TFCP2L1: variants seen among roughly 807,000 people sequenced by gnomAD.
TFCP2L1 encodes transcription factor CP2-like protein 1.
A neutral mutation model predicts 72.2 loss-of-function variants in TFCP2L1; 12 were observed. The ratio of observed to expected loss-of-function variants is 0.17; its 90% confidence interval spans 0.11 to 0.27. The LOEUF is 0.27. Ranked by LOEUF, TFCP2L1 falls within the 10% of genes least tolerant of loss-of-function variation. The pLI is 1.00. For missense variants in TFCP2L1, 488 were observed against 624.6 expected (o/e 0.78, Z 2.33); for synonymous variants, 260 against 251.0 (o/e 1.04, Z -0.34).
chr2:121,272,856 A>G (rs1162351800), intron 2 of TFCP2L1, among the ~76,000 whole-genome samples: 5 of 152,194 alleles, frequency 3.3e-5, no homozygotes, highest in African/African-American at 1.2e-4. Flanking sequence ...AGAAAGGTTC[A>G]GTGACTTGCC....
At chr2:121,267,363 A>C (rs1489477080) in intron 2 of TFCP2L1, among the ~76,000 whole-genome samples, 1 of 152,244 alleles carries the variant, frequency 6.6e-6, no homozygotes, top group Non-Finnish European at 1.5e-5. Flanking sequence ...GTGATTATTA[A>C]GAACATATTA....
intron 8 of TFCP2L1, among the ~76,000 whole-genome samples, chr2:121,239,303 T>C (rs1040954576): frequency 9.9e-5 from 15 of 152,210 alleles, no homozygotes; most frequent in Admixed American, 1.3e-4. Context: ...CTTGGGTGGC[T>C]GACCGCATGC....
chr2:121,255,094 C>A (rs1447948312), intron 2 of TFCP2L1, among the ~76,000 whole-genome samples: 1 of 152,210 alleles, frequency 6.6e-6, no homozygotes, highest in Admixed American at 6.5e-5. Flanking sequence ...GTTTCCAGAA[C>A]CCACCACACT....
chr2:121,243,588 C>T (rs937501253), intron 6 of TFCP2L1, among the ~76,000 whole-genome samples: 1 of 152,184 alleles, frequency 6.6e-6, no homozygotes, highest in African/African-American at 2.4e-5. Context: ...ACCGTCTAAG[C>T]TCTGCCTCCC....
intron 7 of TFCP2L1, chr2:121,240,075 T>A (rs763372215): frequency 1.4e-5 from 14 of 985,062 alleles, no homozygotes; most frequent in African/African-American, 1.7e-5. Context: ...AACAAAAAAA[T>A]AAGCAGTAAG....
chr2:121,246,868 C>G lies in TFCP2L1; in HGVS notation c.607G>C (p.Glu203Gln), dbSNP rs920698786. The change falls in exon 6 of 15, where the codon GAG becomes CAG. Residue 203 changes from glutamate (E) to glutamine (Q), a missense_variant. Glu to Gln is a conservative substitution (Grantham distance 29). Coordinates refer to ENST00000263707, the MANE Select transcript of TFCP2L1 (RefSeq NM_014553.3). ...GCTGAGTGCAGGTGCTCCGTGTACTCCCCATTCTCGTTCTGCTTAAACGTG... is the reference window on the plus strand; with the variant it reads ...GCTGAGTGCAGGTGCTCCGTGTACTGCCCATTCTCGTTCTGCTTAAACGTG... ...IDTFKQNENG[E>Q]YTEHLHSASC... 5 of 1,614,050 alleles carry G rather than the reference C, an allele frequency of 3.1e-6. No homozygotes were observed. In the African/African-American group the frequency reaches 5.3e-5, roughly 17 times the overall value.
rs1168901527 is a variant in TFCP2L1, at chr2:121,223,223, A to C, written c.*1118T>G. 1 of 152,204 alleles carries C rather than the reference A, an allele frequency of 6.6e-6. No individual in the cohort carries two copies. The highest frequency in any genetic ancestry group is 1.5e-5 in the Non-Finnish European group (1 of 68,050). The allele number at this position is 152,204 out of a possible 1,614,324, so 9.4% of individuals were successfully genotyped here. On this transcript the variant is annotated 3_prime_UTR_variant, in exon 15 of 15. Transcript: ENST00000263707. ...GAGATCACTGGATCCCAGGAACCAG[A>C]GGCAAGACAAAGACGAATTTCTGAG...
intron 2 of TFCP2L1, among the ~76,000 whole-genome samples, chr2:121,251,363 C>T (rs1004554194): frequency 3.3e-5 from 5 of 152,166 alleles, no homozygotes; most frequent in Non-Finnish European, 7.3e-5. Context: ...ACAGACCTTA[C>T]TTCGATTTCT....
rs562030824 is a variant in TFCP2L1 at position 121,246,718 on chromosome 2, C to T, written c.657+100G>A. On this transcript the variant is annotated intron_variant, in intron 6 of 14. Coordinates refer to ENST00000263707, the MANE Select transcript of TFCP2L1 (RefSeq NM_014553.3). ...TGTGCTAAAGGGATGCTGCGTTCCT[C>T]GCTGGGCCTGTAAGAGGAAACTCCA... 319 of 1,490,022 alleles carry T rather than the reference C, an allele frequency of 2.1e-4. 1 individual carries two copies. In the African/African-American group the frequency reaches 3.8e-3, roughly 18 times the overall value. The allele number at this position is 1,490,022 out of a possible 1,614,324, so 92.3% of individuals were successfully genotyped here.
At chr2:121,252,825 A>G (rs1231793217) in intron 2 of TFCP2L1, among the ~76,000 whole-genome samples, 1 of 152,228 alleles carries the variant, frequency 6.6e-6, no homozygotes, top group Non-Finnish European at 1.5e-5. Context: ...GCAGCCACAG[A>G]AAACAAATAC....
intron 2 of TFCP2L1, among the ~76,000 whole-genome samples, chr2:121,274,801 T>C (rs531121269): frequency 6.6e-6 from 1 of 152,098 alleles, no homozygotes; most frequent in East Asian, 1.9e-4. Flanking sequence ...AAAAATTAGC[T>C]GAGTGTGGTA....
intron 7 of TFCP2L1, among the ~76,000 whole-genome samples, chr2:121,241,414 T>C (rs980758966): frequency 4.8e-4 from 73 of 152,164 alleles, no homozygotes; most frequent in Admixed American, 4.8e-3. Context: ...GGAGAATCCC[T>C]TGAACCCAGG....
At chr2:121,247,063 C>A in intron 5 of TFCP2L1, 93 bp from the exon 6 acceptor site, 1 of 1,486,480 alleles carries the variant, frequency 6.7e-7, no homozygotes, top group African/African-American at 1.4e-5. Context: ...GGTGTCCTTC[C>A]CTGCTTGGTC....
At position 121,224,196 on chromosome 2, in the gene TFCP2L1, G is replaced by A; in HGVS notation, c.*145C>T. 2.4e-6 allele frequency: 2 copies of A among 843,250 alleles called. No individual in the cohort carries two copies. The highest frequency in any genetic ancestry group is 3.8e-6 in the Non-Finnish European group (2 of 530,712). 52.2% of individuals were successfully genotyped at this position (843,250 alleles called of 1,614,324 possible). A position where few individuals can be genotyped will look rare whatever the true frequency, so the allele number is the denominator to read the frequency against. ...GGTGTCCACAGGCTTCTGCTGGTTGGTGCTCTGTAGCTTTCACAGACTGGG... is the reference window on the plus strand; with the variant it reads ...GGTGTCCACAGGCTTCTGCTGGTTGATGCTCTGTAGCTTTCACAGACTGGG... On this transcript the variant is annotated 3_prime_UTR_variant, in exon 15 of 15. Transcript: ENST00000263707.
intron 6 of TFCP2L1, among the ~76,000 whole-genome samples, chr2:121,246,516 C>T (rs1000344866): frequency 6.6e-6 from 1 of 152,128 alleles, no homozygotes; most frequent in African/African-American, 2.4e-5. Flanking sequence ...TGTGCAAATC[C>T]CAATCATTCT....
intron 6 of TFCP2L1, among the ~76,000 whole-genome samples, chr2:121,242,709 G>C (rs1027167780): frequency 1.3e-5 from 2 of 152,274 alleles, no homozygotes; most frequent in Non-Finnish European, 2.9e-5. Flanking sequence ...ATGGCCACTC[G>C]CTTATGAAAA....
intron 5 of TFCP2L1, among the ~76,000 whole-genome samples, 188 bp from the exon 6 acceptor site, chr2:121,247,158 CAA>C (rs995522305): frequency 3.1e-4 from 47 of 152,264 alleles, no homozygotes; most frequent in African/African-American, 9.1e-4. Flanking sequence ...CCCCTGCCTG[CAA>C]AAGACATACA....
chr2:121,275,734 C>G (rs1002619070), intron 2 of TFCP2L1, among the ~76,000 whole-genome samples: 3 of 151,986 alleles, frequency 2.0e-5, no homozygotes, highest in African/African-American at 7.2e-5. Context: ...TCACGCCCAG[C>G]TGATTTTTGT....
intron 2 of TFCP2L1, among the ~76,000 whole-genome samples, chr2:121,267,130 C>G (rs1402000571): frequency 6.6e-6 from 1 of 152,076 alleles, no homozygotes; most frequent in African/African-American, 2.4e-5. Flanking sequence ...GTTGGCCAGG[C>G]TGGTCTTGAA....
Sources: gnomAD v4.1 joint callset for allele counts (sites outside exome capture counted in the v4.1 genomes callset) on GRCh38, gnomAD v4.1.1 for gene constraint, MANE v1.5 for transcripts, NCBI Gene and HGNC (gene_info 2026-07-23, HGNC 2026-07-21) for gene names.